Variants in SIPA1L2 observed in about 807,000 individuals in gnomAD.
SIPA1L2 encodes signal induced proliferation associated 1 like 2, also known as signal-induced proliferation-associated 1-like protein 2.
SIPA1L2 carries 56 observed loss-of-function variants against 163.9 expected under a neutral mutation model. The ratio of observed to expected loss-of-function variants is 0.34; its 90% CI spans 0.28 to 0.43. The LOEUF is 0.43. Among genes scored for constraint, SIPA1L2 ranks in the 20% least tolerant of loss-of-function variants. The probability of loss-of-function intolerance (pLI) is 1.00; values close to 1 mark genes in which losing one functional copy is unlikely to be tolerated. For synonymous variants in SIPA1L2, 877 were observed against 865.7 expected (o/e 1.01, Z -0.23); for missense variants, 1,974 against 2,193.5 (o/e 0.90, Z 2.00).
intron 15 of SIPA1L2, among the ~76,000 whole-genome samples, chr1:232,438,669 G>C (rs1457714711): frequency 6.6e-6 from 1 of 152,236 alleles, no homozygotes; most frequent in African/African-American, 2.4e-5. Context: ...CAGGGCCGTA[G>C]GAACAGGGAG....
intron 2 of SIPA1L2, among the ~76,000 whole-genome samples, chr1:232,524,739 T>C (rs915167472): frequency 2.0e-5 from 3 of 152,136 alleles, no homozygotes; most frequent in African/African-American, 7.2e-5. Flanking sequence ...AACAGCCATA[T>C]ACAGAAAGGT....
At chr1:232,482,749 T>G (rs1204755354) in intron 6 of SIPA1L2, among the ~76,000 whole-genome samples, 3 of 152,146 alleles carry the variant, frequency 2.0e-5, no homozygotes, top group African/African-American at 7.2e-5. Context: ...TTGAGCAGAC[T>G]TGGGGACAGG....
At chr1:232,485,201 A>G (rs1665586001) in intron 5 of SIPA1L2, among the ~76,000 whole-genome samples, 1 of 152,176 alleles carries the variant, frequency 6.6e-6, no homozygotes, top group Non-Finnish European at 1.5e-5. Flanking sequence ...ATAAAAGGAA[A>G]TATCACCTGT....
At chr1:232,537,247 A>C (rs188905423) in intron 2 of SIPA1L2, among the ~76,000 whole-genome samples, 1 of 151,798 alleles carries the variant, frequency 6.6e-6, no homozygotes, top group East Asian at 1.9e-4. Context: ...AAAAATAAAT[A>C]AATAATAATA....
At chr1:232,568,329 A>C (rs1280474900) in intron 2 of SIPA1L2, among the ~76,000 whole-genome samples, 1 of 152,218 alleles carries the variant, frequency 6.6e-6, no homozygotes, top group Non-Finnish European at 1.5e-5. Flanking sequence ...CAGTATCAGA[A>C]CTGAGTTGAA....
At chr1:232,426,138 G>A (rs1558166251) in intron 17 of SIPA1L2, among the ~76,000 whole-genome samples, 2 of 152,182 alleles carry the variant, frequency 1.3e-5, no homozygotes, top group African/African-American at 4.8e-5. Context: ...ATATAAGGTT[G>A]CCATTTCAGG....
intron 2 of SIPA1L2, among the ~76,000 whole-genome samples, chr1:232,524,453 A>T (rs539179453): frequency 3.7e-4 from 56 of 152,336 alleles, no homozygotes; most frequent in Non-Finnish European, 7.1e-4. Flanking sequence ...CTCTCTTTGA[A>T]CACCAATAAG....
At chr1:232,618,979 A>G (rs1307046072) in intron 1 of SIPA1L2, among the ~76,000 whole-genome samples, 2 of 152,236 alleles carry the variant, frequency 1.3e-5, no homozygotes, top group Non-Finnish European at 2.9e-5. Context: ...AATTATCACC[A>G]CTTTGAAAAT....
chr1:232,568,376 A>C (rs1659524239), intron 2 of SIPA1L2, among the ~76,000 whole-genome samples: 1 of 152,240 alleles, frequency 6.6e-6, no homozygotes. Context: ...TGCAGGATTA[A>C]TTGCTTGCTT....
intron 14 of SIPA1L2, among the ~76,000 whole-genome samples, chr1:232,440,471 A>G (rs1024437328): frequency 6.6e-6 from 1 of 152,234 alleles, no homozygotes; most frequent in African/African-American, 2.4e-5. Context: ...GCTGAAACCA[A>G]TATGAGAATA....
At chr1:232,497,149 G>A (rs55844114) in intron 3 of SIPA1L2, among the ~76,000 whole-genome samples, 1,691 of 152,306 alleles carry the variant, frequency 0.011, 29 homozygotes, top group African/African-American at 0.038. Context: ...AGCCATGGCT[G>A]CCAGGGGCTG....
chr1:232,616,743 C>T (rs1321723308), intron 1 of SIPA1L2, among the ~76,000 whole-genome samples: 1 of 152,236 alleles, frequency 6.6e-6, no homozygotes, highest in African/African-American at 2.4e-5. Flanking sequence ...GTCTTCCCAC[C>T]TTGATGGCAC....
intron 6 of SIPA1L2, among the ~76,000 whole-genome samples, chr1:232,482,365 T>A (rs184310547): frequency 6.6e-6 from 1 of 152,286 alleles, no homozygotes; most frequent in Admixed American, 6.5e-5. Flanking sequence ...AGCAGTGGTT[T>A]TCCTGGAGGG....
In SIPA1L2 at chr1:232,514,893, G is replaced by C. The variant is rs768375459; in HGVS notation, c.447C>G (p.Pro149=). ...GTCTTATGGGGTGAAGTCCTCTTTG[G>C]GGGGAATGGACAAAGATGTCTCCGA... The part of the protein sequence containing the change: ...YTIGDIFVHS[P]QRGLHPIRQR... The change falls in exon 3 of 23, where the codon CCC becomes CCG. Residue 149 remains proline (P), a synonymous_variant. Transcript: ENST00000674635. The C allele has an allele frequency of 1.1e-5, 17 of 1,613,982 alleles. No individual in the cohort carries two copies. The highest frequency in any genetic ancestry group is 1.7e-5 in the Admixed American group (1 of 59,992).
At chr1:232,523,752 A>C (rs1667558844) in intron 2 of SIPA1L2, among the ~76,000 whole-genome samples, 1 of 152,202 alleles carries the variant, frequency 6.6e-6, no homozygotes, top group Admixed American at 6.5e-5. Flanking sequence ...CTTGCAAAGT[A>C]TCTGTATTAT....
chr1:232,438,406 T>C (rs1404534356), intron 15 of SIPA1L2, among the ~76,000 whole-genome samples: 1 of 152,200 alleles, frequency 6.6e-6, no homozygotes, highest in African/African-American at 2.4e-5. Flanking sequence ...ACTGAATAAA[T>C]GCATTTCTTT....
chr1:232,485,561 A>C (rs1161636345), intron 5 of SIPA1L2, among the ~76,000 whole-genome samples: 1 of 152,156 alleles, frequency 6.6e-6, no homozygotes, highest in Admixed American at 6.5e-5. Flanking sequence ...AAAATGCCTA[A>C]CCTCATTTTA....
In SIPA1L2 at chr1:232,510,270, T is replaced by C. The variant is rs182266903; in HGVS notation, c.1483+3587A>G. 2.4e-3 allele frequency among the ~76,000 whole-genome samples: 366 copies of C among 152,082 alleles called. 3 individuals carry two copies. Among genetic ancestry groups the C allele is most frequent in the Non-Finnish European group, 4.1e-3 (279 of 67,984 alleles). On this transcript the variant is annotated intron_variant, in intron 3 of 22. Coordinates refer to ENST00000674635, the MANE Select transcript of SIPA1L2 (RefSeq NM_020808.5). ...TATGAATAAAGATATATATCTAGGATTGTGTAAGTATACTCTATGATGTTC... is the reference window on the plus strand; with the variant it reads ...TATGAATAAAGATATATATCTAGGACTGTGTAAGTATACTCTATGATGTTC...
chr1:232,562,238 C>G (rs1659079036), intron 2 of SIPA1L2, among the ~76,000 whole-genome samples: 1 of 152,194 alleles, frequency 6.6e-6, no homozygotes, highest in Admixed American at 6.5e-5. Flanking sequence ...GCCAAGGAGG[C>G]ACATGCGTCT....
Sources: gnomAD v4.1 joint callset for allele counts (sites outside exome capture counted in the v4.1 genomes callset) on GRCh38, gnomAD v4.1.1 for gene constraint, MANE v1.5 for transcripts, NCBI Gene and HGNC (gene_info 2026-07-23, HGNC 2026-07-21) for gene names.